IL12RB2: variants seen among roughly 807,000 people sequenced by gnomAD.
IL12RB2 encodes interleukin 12 receptor subunit beta 2.
In IL12RB2, 82 loss-of-function variants were observed where a neutral mutation model predicts 89.4. The observed-to-expected ratio is 0.92, with a 90% CI of 0.77 to 1.10. The LOEUF is 1.10. Ranked by LOEUF, IL12RB2 falls within the 50% of genes least tolerant of loss-of-function variation. The pLI is 0.00. For missense variants in IL12RB2, 963 were observed against 1,031.9 expected (o/e 0.93, Z 0.92); for synonymous variants, 368 against 370.1 (o/e 0.99, Z 0.07).
intron 14 of IL12RB2, among the ~76,000 whole-genome samples, chr1:67,380,496 A>G (rs1026036320): frequency 6.6e-6 from 1 of 152,198 alleles, no homozygotes; most frequent in Non-Finnish European, 1.5e-5. Flanking sequence ...GTACTCGCTT[A>G]CTAAGTATCT....
At chr1:67,320,199 T>C (rs1656309278) in intron 2 of IL12RB2, 134 bp from the exon 3 acceptor site, 2 of 1,380,676 alleles carry the variant, frequency 1.4e-6, no homozygotes, top group African/African-American at 2.9e-5. Flanking sequence ...TAAAGGTACA[T>C]GTCATTTTTT....
intron 10 of IL12RB2, among the ~76,000 whole-genome samples, chr1:67,354,512 G>A (rs1661174514): frequency 6.6e-6 from 1 of 152,168 alleles, no homozygotes; most frequent in Non-Finnish European, 1.5e-5. Context: ...CAGAGATCAC[G>A]TCAGGAGGGA....
intron 8 of IL12RB2, among the ~76,000 whole-genome samples, chr1:67,337,825 G>A (rs1658964607): frequency 6.9e-6 from 1 of 144,682 alleles, no homozygotes; most frequent in African/African-American, 2.6e-5. Context: ...TTATATTAGT[G>A]TATTTTTACA....
In IL12RB2 at chr1:67,338,645, T is replaced by A; in HGVS notation, c.980T>A (p.Val327Asp). The change falls in exon 9 of 17, where the codon GTC (valine) becomes GAC (aspartate). Residue 327 changes from valine (V) to aspartate (D), a missense_variant. Val to Asp is a radical substitution (Grantham distance 152). Coordinates refer to ENST00000674203, the MANE Select transcript of IL12RB2 (RefSeq NM_001374259.2). The stretch of plus-strand genomic sequence containing the variant: ...ACAGAGCCTACTGGGATGTTAGATG[T>A]CTGGTACATGAAACGGCACATTGAC... ...PEEEPTGMLD[V>D]WYMKRHIDYS... 1.3e-6 allele frequency: 2 copies of A among 1,532,952 alleles called. No individual in the cohort carries two copies. The highest frequency in any genetic ancestry group is 3.3e-5 in the Admixed American group (2 of 59,904). 95.0% of individuals were successfully genotyped at this position (1,532,952 alleles called of 1,614,324 possible). A position where few individuals can be genotyped will look rare whatever the true frequency, so the allele number is the denominator to read the frequency against.
chr1:67,342,761 C>T (rs1269273481), intron 9 of IL12RB2, among the ~76,000 whole-genome samples: 2 of 137,158 alleles, frequency 1.5e-5, no homozygotes, highest in African/African-American at 2.7e-5. Flanking sequence ...AAAATCACAC[C>T]TTTTTTTTTT....
chr1:67,345,640 C>T (rs1201871617), intron 9 of IL12RB2, among the ~76,000 whole-genome samples: 1 of 152,184 alleles, frequency 6.6e-6, no homozygotes, highest in Non-Finnish European at 1.5e-5. Context: ...TATTTAAATA[C>T]AAAAGCAGCA....
At chr1:67,374,332 A>G (rs1663704952) in intron 13 of IL12RB2, among the ~76,000 whole-genome samples, 1 of 152,216 alleles carries the variant, frequency 6.6e-6, no homozygotes, top group Non-Finnish European at 1.5e-5. Flanking sequence ...GTCAGTTCTG[A>G]AATGCACCCC....
At chr1:67,329,794 G>A (rs1657819351) in intron 7 of IL12RB2, 65 bp downstream of exon 7, 3 of 1,082,678 alleles carry the variant, frequency 2.8e-6, no homozygotes, top group Admixed American at 1.7e-5. Flanking sequence ...GCAGACCTCT[G>A]TCTTTTCATA....
At chr1:67,310,076 C>G (rs538724338) in intron 1 of IL12RB2, among the ~76,000 whole-genome samples, 1 of 148,638 alleles carries the variant, frequency 6.7e-6, no homozygotes, top group Non-Finnish European at 1.5e-5. Context: ...CCCAGCTACT[C>G]GGGAGGTTGA....
chr1:67,337,653 T>G (rs1043616404), intron 8 of IL12RB2, among the ~76,000 whole-genome samples: 1 of 152,198 alleles, frequency 6.6e-6, no homozygotes, highest in Non-Finnish European at 1.5e-5. Flanking sequence ...TACTTAACAA[T>G]TATTAGGAGC....
rs920689152 is a variant in IL12RB2, at chr1:67,323,153, T to G, written c.364+1264T>G. ...TGTGACCTATAAGGATATATATATA[T>G]AGTTGGTGCCAGGTGATTTTCCTGG... On this transcript the variant is annotated intron_variant, in intron 4 of 16. Transcript: ENST00000674203. Among the ~76,000 whole-genome samples, 3 of 152,026 alleles carry G rather than the reference T, an allele frequency of 2.0e-5. No homozygotes were observed. The East Asian group carries it at 5.8e-4, about 29-fold the overall frequency.
rs1433272806 is a variant in IL12RB2 at position 67,372,764 on chromosome 1, C to T, written c.1698C>T (p.Asn566=). 3.7e-6 allele frequency: 6 copies of T among 1,608,234 alleles called. No homozygotes were observed. Among genetic ancestry groups the T allele is most frequent in the Non-Finnish European group, 4.3e-6 (5 of 1,174,790 alleles). The change falls in exon 13 of 17, where the codon AAC becomes AAT. Residue 566 remains asparagine (N), a synonymous_variant. Coordinates refer to ENST00000674203, the MANE Select transcript of IL12RB2 (RefSeq NM_001374259.2). ...YRIYWKERDS[N]SQPQLCEIPY... is the part of the protein sequence containing the mutation. Reference sequence around the variant, plus strand: ...TATACTGGAAGGAACGGGACTCCAACTCCCAGCCTCAGCTCTGTGGTATGT... The same window carrying T: ...TATACTGGAAGGAACGGGACTCCAATTCCCAGCCTCAGCTCTGTGGTATGT...
At chr1:67,360,795 CAAA>C (rs112229362) in intron 10 of IL12RB2, among the ~76,000 whole-genome samples, 1 of 130,204 alleles carries the variant, frequency 7.7e-6, no homozygotes. Flanking sequence ...AACTCCGTCT[CAAA>C]AAAAAAAAAA....
intron 3 of IL12RB2, 73 bp downstream of exon 3, chr1:67,320,517 T>C: frequency 1.2e-6 from 2 of 1,607,032 alleles, no homozygotes; most frequent in Middle Eastern, 2.1e-4. Context: ...GAAGTATGTA[T>C]TTGTGGTAAA....
At chr1:67,348,060 C>T (rs187106356) in intron 9 of IL12RB2, among the ~76,000 whole-genome samples, 22 of 152,210 alleles carry the variant, frequency 1.4e-4, no homozygotes, top group Admixed American at 1.4e-3. Context: ...TATCATTCAC[C>T]CAAACCAGCA....
chr1:67,334,008 C>T (rs1157823490), intron 8 of IL12RB2, among the ~76,000 whole-genome samples: 2 of 152,166 alleles, frequency 1.3e-5, no homozygotes, highest in South Asian at 2.1e-4. Flanking sequence ...CATGTTCATT[C>T]GTACTTTGGA....
At chr1:67,318,768 G>A (rs1656114832) in intron 2 of IL12RB2, among the ~76,000 whole-genome samples, 2 of 152,088 alleles carry the variant, frequency 1.3e-5, no homozygotes, top group African/African-American at 4.8e-5. Flanking sequence ...CAAGGAGACA[G>A]ATGGATGAGA....
intron 10 of IL12RB2, among the ~76,000 whole-genome samples, 170 bp downstream of exon 10, chr1:67,351,259 C>T (rs1232362182): frequency 6.6e-6 from 1 of 151,970 alleles, no homozygotes; most frequent in Non-Finnish European, 1.5e-5. Context: ...TATGAGTAGC[C>T]TTGGACAAGT....
intron 16 of IL12RB2, among the ~76,000 whole-genome samples, chr1:67,390,768 T>C (rs567004430): frequency 3.3e-5 from 5 of 152,182 alleles, no homozygotes; most frequent in African/African-American, 9.7e-5. Flanking sequence ...GTGGAGGGTC[T>C]GGAAGTTGAA....
Sources: gnomAD v4.1 joint callset for allele counts (sites outside exome capture counted in the v4.1 genomes callset) on GRCh38, gnomAD v4.1.1 for gene constraint, MANE v1.5 for transcripts, NCBI Gene and HGNC (gene_info 2026-07-23, HGNC 2026-07-21) for gene names.